The following CPED1 variants were observed in gnomAD, a reference collection of about 807,000 sequenced individuals.
CPED1 encodes the protein cadherin-like and PC-esterase domain-containing protein 1.
A neutral mutation model predicts 128.2 loss-of-function variants in CPED1; 114 were observed. The observed-to-expected ratio is 0.89, with a 90% CI of 0.76 to 1.04. CPED1 has a LOEUF of 1.04. CPED1 is among the 50% of genes least tolerant of loss of function. The pLI, the probability that CPED1 is intolerant of heterozygous loss-of-function variation, is 0.00. For missense variants in CPED1, 1,211 were observed against 1,207.1 expected, an observed-to-expected ratio of 1.00 and a Z score of -0.05; for synonymous variants, 462 against 426.7, an observed-to-expected ratio of 1.08 and a Z score of -1.02.
At position 121,049,270 on chromosome 7, in the gene CPED1, G is replaced by T. The variant is rs118137764; in HGVS notation, c.540+2277G>T. ...TATAAAAGTTTCACTACACTGGGTC[G>T]TAAGAGGGATGTGTAGAAGGAAGGG... On this transcript the variant is annotated intron_variant, in intron 4 of 22. Transcript: ENST00000310396. Among the ~76,000 whole-genome samples the T allele has an allele frequency of 5.7e-3, 873 of 152,292 alleles. 7 individuals are homozygous for T. Among genetic ancestry groups the T allele is most frequent in the Non-Finnish European group, 0.01 (693 of 68,024 alleles).
chr7:121,047,537 C>T (rs1186296025), intron 4 of CPED1, among the ~76,000 whole-genome samples: 4 of 152,052 alleles, frequency 2.6e-5, no homozygotes, highest in Admixed American at 2.6e-4. Context: ...TATAACGAAT[C>T]TGTACGAAAA....
chr7:121,002,956 G>A (rs1791903366), intron 2 of CPED1, among the ~76,000 whole-genome samples: 1 of 152,136 alleles, frequency 6.6e-6, no homozygotes. Flanking sequence ...GTGACATCTA[G>A]CATTAAAACA....
chr7:121,221,735 T>C (rs1340410994), intron 16 of CPED1, among the ~76,000 whole-genome samples: 2 of 152,246 alleles, frequency 1.3e-5, no homozygotes, highest in African/African-American at 2.4e-5. Context: ...CATTTTTTAA[T>C]GTGTGTGTTG....
At chr7:121,198,636 C>A (rs775428510) in intron 16 of CPED1, among the ~76,000 whole-genome samples, 4 of 152,128 alleles carry the variant, frequency 2.6e-5, no homozygotes, top group Non-Finnish European at 4.4e-5. Context: ...TTACTACTCT[C>A]TGAAATTCAC....
At chr7:121,061,983 C>G (rs2116041754) in intron 4 of CPED1, among the ~76,000 whole-genome samples, 1 of 152,230 alleles carries the variant, frequency 6.6e-6, no homozygotes, top group South Asian at 2.1e-4. Context: ...TCACATGTTG[C>G]TACAGTCATG....
chr7:121,001,756 G>A (rs1274203100), intron 2 of CPED1, among the ~76,000 whole-genome samples: 1 of 152,106 alleles, frequency 6.6e-6, no homozygotes, highest in East Asian at 1.9e-4. Flanking sequence ...ATAATGAAGA[G>A]TTGAGTGACC....
intron 22 of CPED1, among the ~76,000 whole-genome samples, chr7:121,280,149 A>G (rs1033792385): frequency 2.6e-5 from 4 of 152,212 alleles, no homozygotes; most frequent in African/African-American, 7.2e-5. Context: ...AACGTCCAAT[A>G]GATTCCAAGA....
chr7:121,160,868 C>G (rs1253283904), intron 16 of CPED1, among the ~76,000 whole-genome samples: 3 of 151,490 alleles, frequency 2.0e-5, no homozygotes, highest in Non-Finnish European at 3.0e-5. Flanking sequence ...GGTAGCTGAG[C>G]CTCTCAATGC....
At chr7:121,134,912 T>C (rs1488150413) in intron 13 of CPED1, among the ~76,000 whole-genome samples, 1 of 151,922 alleles carries the variant, frequency 6.6e-6, no homozygotes, top group African/African-American at 2.4e-5. Context: ...AAATAATATA[T>C]ACAAAATTTA....
intron 3 of CPED1, among the ~76,000 whole-genome samples, chr7:121,025,538 A>G (rs1792554997): frequency 6.6e-6 from 1 of 152,094 alleles, no homozygotes; most frequent in South Asian, 2.1e-4. Flanking sequence ...AGTGTTTCCC[A>G]AACTCGATGA....
Position 121,125,304 on chromosome 7 carries a change from TTA to T in CPED1, c.1062-514_1062-513del, listed in dbSNP as rs1227739489. On this transcript the variant is annotated intron_variant, in intron 8 of 22. Coordinates refer to ENST00000310396, the MANE Select transcript of CPED1 (RefSeq NM_024913.5). The stretch of plus-strand genomic sequence containing the variant: ...CAAGAGAATATAGTTTTTATTATTA[TTA>T]TTTTACTTTAAGTTCTGGGATATAT... 3.9e-5 allele frequency among the ~76,000 whole-genome samples: 6 copies of T among 152,136 alleles called. No individual in the cohort carries two copies. The South Asian group carries it at 6.2e-4, about 16-fold the overall frequency.
chr7:121,022,640 T>C (rs1392714789), intron 3 of CPED1, among the ~76,000 whole-genome samples: 2 of 151,930 alleles, frequency 1.3e-5, no homozygotes, highest in Non-Finnish European at 2.9e-5. Flanking sequence ...TGAGAGGTGA[T>C]AATTGATTTA....
chr7:121,214,638 G>A (rs1046914915), intron 16 of CPED1, among the ~76,000 whole-genome samples: 15 of 151,932 alleles, frequency 9.9e-5, no homozygotes, highest in Non-Finnish European at 1.5e-5. Flanking sequence ...GTATAAAAAT[G>A]TGAGACTACA....
chr7:121,217,097 C>T (rs1169147793), intron 16 of CPED1, among the ~76,000 whole-genome samples: 2 of 151,810 alleles, frequency 1.3e-5, no homozygotes, highest in African/African-American at 4.8e-5. Context: ...CCCTCTGCCA[C>T]CCAAGCTGGA....
rs552411624 is a variant in CPED1 at position 121,221,877 on chromosome 7, T to C, written c.2056-14837T>C. Among the ~76,000 whole-genome samples the C allele has an allele frequency of 1.9e-4, 29 of 152,324 alleles. 1 individual carries two copies. The South Asian group carries it at 5.8e-3, about 30-fold the overall frequency. On this transcript the variant is annotated intron_variant, in intron 16 of 22. Coordinates refer to ENST00000310396, the MANE Select transcript of CPED1 (RefSeq NM_024913.5). The stretch of plus-strand genomic sequence containing the variant: ...ATTAGCCCTTTGTCAGATGGGTAGA[T>C]TGCAAAAATTTTCTCCCATTCTGTA...
intron 22 of CPED1, among the ~76,000 whole-genome samples, chr7:121,294,997 A>G (rs1419801519): frequency 6.6e-6 from 1 of 152,262 alleles, no homozygotes; most frequent in East Asian, 1.9e-4. Flanking sequence ...TTTCTCTGAA[A>G]ATAGTTTTAG....
chr7:121,110,217 C>T (rs143224436), intron 7 of CPED1, among the ~76,000 whole-genome samples: 2 of 152,168 alleles, frequency 1.3e-5, no homozygotes, highest in East Asian at 1.9e-4. Context: ...AAGTATTTAC[C>T]GGCTACCTCT....
chr7:121,247,135 C>T (rs1798557992), intron 18 of CPED1, among the ~76,000 whole-genome samples: 1 of 152,160 alleles, frequency 6.6e-6, no homozygotes, highest in South Asian at 2.1e-4. Context: ...GAGGCAGAGG[C>T]TGTGTAATGG....
intron 16 of CPED1, among the ~76,000 whole-genome samples, chr7:121,209,616 A>G (rs1797601418): frequency 6.6e-6 from 1 of 152,068 alleles, no homozygotes; most frequent in Non-Finnish European, 1.5e-5. Context: ...AACATGAATT[A>G]AAGACTTAAA....
Sources: allele counts gnomAD v4.1 joint callset (sites outside exome capture counted in the v4.1 genomes callset), GRCh38; gene constraint gnomAD v4.1.1; transcripts MANE v1.5; gene names NCBI Gene and HGNC (gene_info 2026-07-23, HGNC 2026-07-21).